Variants in DNAH10 observed in about 807,000 individuals in gnomAD.
DNAH10 encodes the protein axonemal beta dynein heavy chain 10.
In DNAH10, 348 loss-of-function variants were observed where a neutral mutation model predicts 506.6. That is an observed-to-expected ratio of 0.69 (90% CI 0.63 to 0.75). DNAH10 has a LOEUF of 0.75. Ranked by LOEUF, DNAH10 falls within the 30% of genes least tolerant of loss-of-function variation. The pLI is 0.00. For missense variants in DNAH10, 5,179 were observed against 5,787.1 expected (o/e 0.89, Z 3.41); for synonymous variants, 2,059 against 2,198.6 (o/e 0.94, Z 1.78).
At position 123,935,575 on chromosome 12, in the gene DNAH10, A is replaced by C; in HGVS notation, c.*94A>C. The C allele has an allele frequency of 7.5e-7, 1 of 1,334,928 alleles. No individual in the cohort carries two copies. Among genetic ancestry groups the C allele is most frequent in the East Asian group, 2.3e-5 (1 of 42,770 alleles). The allele number at this position is 1,334,928 out of a possible 1,614,324, so 82.7% of individuals were successfully genotyped here. ...CATTTCTTGGGGCCTCTCAAGAGGC[A>C]GGAGGGGGACTGACACTGATTTTTC... is the stretch of plus-strand genomic sequence containing the variant. On this transcript the variant is annotated 3_prime_UTR_variant, in exon 79 of 79. Coordinates refer to ENST00000673944, the MANE Select transcript of DNAH10 (RefSeq NM_001372106.1).
intron 66 of DNAH10, 115 bp from the exon 67 acceptor site, chr12:123,924,163 T>TC: frequency 7.3e-7 from 1 of 1,376,824 alleles, no homozygotes. Flanking sequence ...ACTTCCTGTT[T>TC]CCAGTCTCCT....
At chr12:123,870,530 A>G (rs371545667) in intron 44 of DNAH10, 45 bp downstream of exon 44, 253 of 1,596,104 alleles carry the variant, frequency 1.6e-4, no homozygotes, top group Non-Finnish European at 2.0e-4. Flanking sequence ...GGAGTGTGTG[A>G]TACTCGCTCT....
intron 4 of DNAH10, among the ~76,000 whole-genome samples, chr12:123,773,143 A>G (rs1957320815): frequency 6.6e-6 from 1 of 152,254 alleles, no homozygotes; most frequent in Non-Finnish European, 1.5e-5. Context: ...AAAGAAATGT[A>G]TTCAGCCAGT....
At chr12:123,808,720 G>A (rs1958810207) in intron 18 of DNAH10, 77 bp from the exon 19 acceptor site, 2 of 1,514,174 alleles carry the variant, frequency 1.3e-6, no homozygotes, top group Admixed American at 1.8e-5. Context: ...TTGTGGCCCT[G>A]GTCATTTCCA....
At chr12:123,841,221 T>G in intron 29 of DNAH10, 101 bp from the exon 30 acceptor site, 2 of 1,256,500 alleles carry the variant, frequency 1.6e-6, no homozygotes, top group South Asian at 2.5e-5. Flanking sequence ...CGGTTGCCAT[T>G]GCTTGCATCG....
At chr12:123,857,014 C>A (rs771270301) in intron 36 of DNAH10, 42 bp from the exon 37 acceptor site, 1 of 1,561,126 alleles carries the variant, frequency 6.4e-7, no homozygotes, top group Admixed American at 1.8e-5. Context: ...GCACTGGGTT[C>A]CTTTGGAAAT....
rs1259280357 is a variant in DNAH10 at position 123,848,799 on chromosome 12, A to G, written c.6019A>G (p.Ile2007Val). 2 of 1,613,888 alleles carry G rather than the reference A, an allele frequency of 1.2e-6. No homozygotes were observed. Among genetic ancestry groups the G allele is most frequent in the South Asian group, 1.1e-5 (1 of 91,034 alleles). ...AWGCFDEFNR[I>V]DASVLSVISS... ...GGGCTGCTTTGATGAGTTTAATCGAATCGATGCTTCTGTGCTCTCCGTGAT... is the reference window on the plus strand; with the variant it reads ...GGGCTGCTTTGATGAGTTTAATCGAGTCGATGCTTCTGTGCTCTCCGTGAT... Residue 2007 changes from isoleucine to valine, a missense_variant, in exon 34 of 79, where the codon ATC becomes GTC. By Grantham distance (29) the Ile-to-Val change is conservative. Transcript: ENST00000673944.
intron 4 of DNAH10, among the ~76,000 whole-genome samples, chr12:123,773,927 C>T (rs1957346077): frequency 6.6e-6 from 1 of 152,244 alleles, no homozygotes; most frequent in Non-Finnish European, 1.5e-5. Context: ...CTCTTGTGCA[C>T]TGTTCATACT....
chr12:123,762,360 GA>G lies in DNAH10; in HGVS notation c.25del (p.Met9CysfsTer97). The G allele has an allele frequency of 7.3e-7, 1 of 1,362,926 alleles. No individual in the cohort carries two copies. Among genetic ancestry groups the G allele is most frequent in the Non-Finnish European group, 9.5e-7 (1 of 1,055,050 alleles). The allele number at this position is 1,362,926 out of a possible 1,614,324, so 84.4% of individuals were successfully genotyped here. A position where few individuals can be genotyped will look rare whatever the true frequency, so the allele number is the denominator to read the frequency against. On this transcript the variant is annotated frameshift_variant, in exon 1 of 79. Transcript: ENST00000673944. LOFTEE classifies it high-confidence loss of function. This position sits in a 1 kb window ranked among gnomAD's most constrained non-coding sequence, Gnocchi z 5.0. ...CCATGGACGACCTGCGGGTGCTGTGGATGCGCGACCGCGTGTATGCGGCTTT... is the reference window on the plus strand; with the variant it reads ...CCATGGACGACCTGCGGGTGCTGTGGTGCGCGACCGCGTGTATGCGGCTTT... MDDLRVLW[M>X]RDRVYAAFGI...
In DNAH10 at chr12:123,926,230, T is replaced by G; in HGVS notation, c.11922-407T>G. 6.5e-6 allele frequency: 1 copy of G among 152,728 alleles called. No individual in the cohort carries two copies. The highest frequency in any genetic ancestry group is 2.1e-4 in the South Asian group (1 of 4,732). 9.5% of individuals were successfully genotyped at this position (152,728 alleles called of 1,614,324 possible). A position where few individuals can be genotyped will look rare whatever the true frequency, so the allele number is the denominator to read the frequency against. On this transcript the variant is annotated intron_variant, in intron 68 of 78. Transcript: ENST00000673944. The surrounding 1 kb of genome is among the most constrained non-coding windows in gnomAD (Gnocchi z 4.1). ...TGGGCAACAGAGTGAGATTATATAT[T>G]TCAATTTAAAAAAAAAAAAAAAAAA...
At position 123,819,018 on chromosome 12, in the gene DNAH10, A is replaced by G. The variant is rs1256447665; in HGVS notation, c.3849A>G (p.Ser1283=). ...ESIWSNLFND[S]VNVEHALGDI... is the part of the protein sequence containing the mutation. Reference sequence around the variant, plus strand: ...TATGGTCCAATCTGTTTAATGATTCAGTGAATGTGGAGCATGCTCTTGGGG... The same window carrying G: ...TATGGTCCAATCTGTTTAATGATTCGGTGAATGTGGAGCATGCTCTTGGGG... The change falls in exon 22 of 79, where the codon TCA becomes TCG. Residue 1283 remains serine, a synonymous_variant. Transcript: ENST00000673944. 2.5e-6 allele frequency: 4 copies of G among 1,607,354 alleles called. No homozygotes were observed. The African/African-American group carries it at 5.3e-5, about 21-fold the overall frequency.
At chr12:123,829,085 C>T (rs553092127) in intron 25 of DNAH10, among the ~76,000 whole-genome samples, 3 of 152,138 alleles carry the variant, frequency 2.0e-5, no homozygotes, top group South Asian at 2.1e-4. Context: ...TTTGCAAGGC[C>T]GCCAAGCAAG....
At chr12:123,767,820 G>C (rs1957104478) in intron 2 of DNAH10, 131 bp downstream of exon 2, 2 of 757,144 alleles carry the variant, frequency 2.6e-6, no homozygotes, top group Non-Finnish European at 4.5e-6. Flanking sequence ...GAAAGTGCTG[G>C]GTCATGAATA....
intron 36 of DNAH10, among the ~76,000 whole-genome samples, chr12:123,856,554 C>T (rs1951399655): frequency 6.6e-6 from 1 of 150,808 alleles, no homozygotes; most frequent in Admixed American, 6.6e-5. Context: ...CCAGGCTGAT[C>T]TCGAACTCCT....
chr12:123,828,161 C>T (rs549592768), intron 25 of DNAH10, among the ~76,000 whole-genome samples: 25 of 150,710 alleles, frequency 1.7e-4, no homozygotes, highest in Admixed American at 1.3e-4. Flanking sequence ...AAGCTCTTGC[C>T]AGAAATAGAA....
intron 33 of DNAH10, 31 bp downstream of exon 33, chr12:123,848,126 C>T: frequency 6.3e-7 from 1 of 1,596,004 alleles, no homozygotes; most frequent in South Asian, 1.1e-5. Flanking sequence ...TTGGTACTGG[C>T]TCATTAGGCA....
chr12:123,878,897 T>G (rs991080374), intron 48 of DNAH10, among the ~76,000 whole-genome samples: 1 of 152,044 alleles, frequency 6.6e-6, no homozygotes, highest in Non-Finnish European at 1.5e-5. Context: ...ACCCCACCTC[T>G]TAAAAAAAGA....
At chr12:123,781,362 G>C in intron 6 of DNAH10, 63 bp downstream of exon 6, 1 of 1,451,870 alleles carries the variant, frequency 6.9e-7, no homozygotes. Context: ...TGGGATTACA[G>C]GTGCATGCCA....
At chr12:123,912,487 G>C (rs1954265984) in intron 59 of DNAH10, among the ~76,000 whole-genome samples, 1 of 108,690 alleles carries the variant, frequency 9.2e-6, no homozygotes, top group African/African-American at 3.6e-5. Context: ...GGGGGGGTCT[G>C]TCCTGGGGGG....
Sources: gnomAD v4.1 joint callset for allele counts (sites outside exome capture counted in the v4.1 genomes callset) on GRCh38, gnomAD v4.1.1 for gene constraint, Gnocchi (gnomAD v3.1) non-coding constraint, MANE v1.5 for transcripts, NCBI Gene and HGNC (gene_info 2026-07-23, HGNC 2026-07-21) for gene names.